Variants in CYP20A1 observed in about 807,000 individuals in gnomAD.
The protein encoded by CYP20A1 is cytochrome P450 family 20 subfamily A member 1.
In CYP20A1, 61 loss-of-function variants were observed where a neutral mutation model predicts 61.4. The observed-to-expected ratio is 0.99, with a 90% CI of 0.81 to 1.23. The LOEUF (loss-of-function observed/expected upper bound fraction) is 1.23, where lower values mean the gene tolerates loss of function less well. CYP20A1 is among the 50% of genes most tolerant of loss of function. The pLI is 0.00. For missense variants in CYP20A1, 530 were observed against 542.4 expected, an observed-to-expected ratio of 0.98 and a Z score of 0.23; for synonymous variants, 193 against 188.2, an observed-to-expected ratio of 1.03 and a Z score of -0.21.
At chr2:203,248,670 G>A (rs1241475808) in intron 3 of CYP20A1, among the ~76,000 whole-genome samples, 1 of 152,130 alleles carries the variant, frequency 6.6e-6, no homozygotes, top group African/African-American at 2.4e-5. Flanking sequence ...ATGTTTTGGG[G>A]AATATTGGTT....
At chr2:203,290,401 ATGTATTTTTATAGAC>A (rs2068483723) in intron 10 of CYP20A1, among the ~76,000 whole-genome samples, 1 of 152,202 alleles carries the variant, frequency 6.6e-6, no homozygotes, top group African/African-American at 2.4e-5. Flanking sequence ...GCAGTTTAGT[ATGTATTTTTATAGAC>A]CTATTTCTGT....
chr2:203,265,640 T>A (rs1357021218), intron 4 of CYP20A1, among the ~76,000 whole-genome samples: 1 of 152,194 alleles, frequency 6.6e-6, no homozygotes, highest in Non-Finnish European at 1.5e-5. Context: ...TCCAGGATGA[T>A]CTCATTACAG....
At chr2:203,240,270 C>T (rs976449532) in intron 1 of CYP20A1, among the ~76,000 whole-genome samples, 3 of 152,236 alleles carry the variant, frequency 2.0e-5, no homozygotes, top group African/African-American at 7.2e-5. Context: ...CAATCAGGGA[C>T]TTCCTGAAAT....
intron 4 of CYP20A1, among the ~76,000 whole-genome samples, chr2:203,264,959 G>A (rs1268599144): frequency 6.6e-6 from 1 of 151,742 alleles, no homozygotes; most frequent in Non-Finnish European, 1.5e-5. Flanking sequence ...TTGATCTCCT[G>A]ACCTTGTGAT....
chr2:203,293,214 C>CTTTTTT lies in CYP20A1; in HGVS notation c.1148+889_1148+890insTTTTTT, dbSNP rs575058733. Among the ~76,000 whole-genome samples the CTTTTTT allele has an allele frequency of 4.7e-5, 6 of 128,908 alleles. 2 individuals carry two copies. Among genetic ancestry groups the CTTTTTT allele is most frequent in the Non-Finnish European group, 4.8e-5 (3 of 62,470 alleles). The allele number at this position is 128,908 out of a possible 152,430, so 84.6% of individuals were successfully genotyped here. On this transcript the variant is annotated intron_variant, in intron 11 of 12. Coordinates refer to ENST00000356079, the MANE Select transcript of CYP20A1 (RefSeq NM_177538.3). Reference sequence around the variant, plus strand: ...ATTTTTAAAAAAGCAGAATTTCTCTCTCTTTTTTTTTTTTTTTTTGAGATG... The same window carrying CTTTTTT: ...ATTTTTAAAAAAGCAGAATTTCTCTCTTTTTTTCTTTTTTTTTTTTTTTTTGAGATG...
intron 4 of CYP20A1, among the ~76,000 whole-genome samples, chr2:203,261,496 C>G (rs2067135460): frequency 1.4e-5 from 2 of 145,696 alleles, no homozygotes; most frequent in African/African-American, 5.0e-5. Flanking sequence ...ATCCCTTGAG[C>G]CCAGGAGCTA....
rs1215990348 is a variant in CYP20A1, at chr2:203,300,649, G to A, written c.*3741G>A. 1.3e-5 allele frequency among the ~76,000 whole-genome samples: 2 copies of A among 152,042 alleles called. No individual in the cohort carries two copies. The highest frequency in any genetic ancestry group is 2.4e-5 in the African/African-American group (1 of 41,394). ...TCACACCTGTAATCCCAGCTCTTTG[G>A]GAGGCCAAGGCGGGTAAATCACCTG... is the stretch of plus-strand genomic sequence containing the variant. On this transcript the variant is annotated 3_prime_UTR_variant, in exon 13 of 13. Transcript: ENST00000356079.
intron 4 of CYP20A1, among the ~76,000 whole-genome samples, chr2:203,254,379 T>C (rs1054373309): frequency 2.0e-5 from 3 of 152,110 alleles, no homozygotes; most frequent in African/African-American, 7.2e-5. Context: ...ACCCTATCTT[T>C]ACTAAAAATA....
At chr2:203,278,445 CT>C (rs1362905002) in intron 6 of CYP20A1, 127 bp from the exon 7 acceptor site, 7 of 481,008 alleles carry the variant, frequency 1.5e-5, no homozygotes, top group Middle Eastern at 4.5e-4. Context: ...CATAAATTAG[CT>C]TTCTTTGTTG....
intron 4 of CYP20A1, among the ~76,000 whole-genome samples, chr2:203,265,835 C>T (rs1042606054): frequency 6.6e-6 from 1 of 152,046 alleles, no homozygotes; most frequent in Non-Finnish European, 1.5e-5. Context: ...GGATTACAGG[C>T]GTGCACCACC....
At chr2:203,239,657 C>T (rs1006733025) in intron 1 of CYP20A1, among the ~76,000 whole-genome samples, 13 of 152,278 alleles carry the variant, frequency 8.5e-5, no homozygotes, top group Admixed American at 7.2e-4. Context: ...TCTTGCTCCT[C>T]TTAGGGGCTC....
chr2:203,274,671 A>G (rs2067740400), intron 6 of CYP20A1, among the ~76,000 whole-genome samples: 1 of 152,076 alleles, frequency 6.6e-6, no homozygotes, highest in Admixed American at 6.6e-5. Flanking sequence ...TTCTGTGCAC[A>G]GGAGACAAAA....
At chr2:203,243,220 T>G (rs1483972672) in intron 1 of CYP20A1, among the ~76,000 whole-genome samples, 5 of 152,158 alleles carry the variant, frequency 3.3e-5, no homozygotes, top group East Asian at 1.9e-4. Context: ...CTCGGCTCAC[T>G]GCAACCTTCA....
intron 3 of CYP20A1, among the ~76,000 whole-genome samples, chr2:203,250,750 G>C (rs1352744215): frequency 6.6e-6 from 1 of 152,064 alleles, no homozygotes; most frequent in East Asian, 1.9e-4. Flanking sequence ...AGATTTTTCT[G>C]TCTCTCTCTC....
At position 203,272,659 on chromosome 2, in the gene CYP20A1, C is replaced by A; in HGVS notation, c.601-11C>A. 1 of 1,550,868 alleles carries A rather than the reference C, an allele frequency of 6.4e-7. No individual in the cohort carries two copies. Among genetic ancestry groups the A allele is most frequent in the African/African-American group, 1.4e-5 (1 of 71,996 alleles). On this transcript the variant is annotated splice_polypyrimidine_tract_variant and intron_variant, in intron 5 of 12. Coordinates refer to ENST00000356079, the MANE Select transcript of CYP20A1 (RefSeq NM_177538.3). ...ATTAGATAATAGTTATGTATATTTA[C>A]CTATTTTCAGGTTTGGTCTGAGATT...
chr2:203,266,802 A>G, intron 5 of CYP20A1, 121 bp downstream of exon 5: 1 of 783,818 alleles, frequency 1.3e-6, no homozygotes, highest in South Asian at 1.7e-5. Context: ...CCCACATGGT[A>G]AAAACGTGTC....
In CYP20A1 at chr2:203,278,683, C is replaced by T. The variant is rs748257079; in HGVS notation, c.790C>T (p.Gln264Ter). Residue 264 changes from glutamine (Q) to a stop codon, truncating the protein, a stop_gained, in exon 7 of 13, where the codon CAA (glutamine) becomes TAA (stop). Coordinates refer to ENST00000356079, the MANE Select transcript of CYP20A1 (RefSeq NM_177538.3). LOFTEE classifies it high-confidence loss of function. ...DSLVQGNLND[Q>*]QILEDSMIFS... is the part of the protein sequence containing the mutation. ...CTTAGTACAAGGGAACCTTAATGAC[C>T]AACAGGTGATATAATTGTTAAATGT... 6.7e-7 allele frequency: 1 copy of T among 1,493,742 alleles called. No individual in the cohort carries two copies. Among genetic ancestry groups the T allele is most frequent in the Non-Finnish European group, 9.2e-7 (1 of 1,091,612 alleles). The allele number at this position is 1,493,742 out of a possible 1,614,324, so 92.5% of individuals were successfully genotyped here.
At position 203,303,305 on chromosome 2, in the gene CYP20A1, A is replaced by AT. The variant is rs2069094979; in HGVS notation, c.*6404dup. Among the ~76,000 whole-genome samples, 5 of 151,648 alleles carry AT rather than the reference A, an allele frequency of 3.3e-5. No homozygotes were observed. The highest frequency in any genetic ancestry group is 4.2e-4 in the South Asian group (2 of 4,788). On this transcript the variant is annotated 3_prime_UTR_variant, in exon 13 of 13. Coordinates refer to ENST00000356079, the MANE Select transcript of CYP20A1 (RefSeq NM_177538.3). ...CAGGCATGAGCCACTGTGCCCGGCC[A>AT]TTTTTTTGTGTTTTTAGTGGAGACA...
At chr2:203,268,303 C>G (rs971384801) in intron 5 of CYP20A1, among the ~76,000 whole-genome samples, 3 of 152,166 alleles carry the variant, frequency 2.0e-5, no homozygotes, top group Non-Finnish European at 4.4e-5. Context: ...TCAGTCTCCT[C>G]CCCTCCAATT....
Sources: allele counts gnomAD v4.1 joint callset (sites outside exome capture counted in the v4.1 genomes callset), GRCh38; gene constraint gnomAD v4.1.1; transcripts MANE v1.5; gene names NCBI Gene and HGNC (gene_info 2026-07-23, HGNC 2026-07-21).